Variants in GIPR observed in about 807,000 individuals in gnomAD.
GIPR encodes the protein GIP-R.
GIPR carries 74 observed loss-of-function variants against 62.2 expected under a neutral mutation model. The ratio of observed to expected loss-of-function variants is 1.19; its 90% CI spans 0.99 to 1.44. The LOEUF is 1.44. GIPR is among the 40% of genes most tolerant of loss of function. GIPR has a pLI of 0.00. For synonymous variants in GIPR, 256 were observed against 262.2 expected (o/e 0.98, Z 0.23); for missense variants, 664 against 611.8 (o/e 1.09, Z -0.90).
chr19:45,674,898 A>G, intron 7 of GIPR, 72 bp downstream of exon 7: 1 of 1,380,138 alleles, frequency 7.2e-7, no homozygotes, highest in Non-Finnish European at 1.0e-6. Flanking sequence ...TTCTCAGTCC[A>G]TTTCCTATCT....
At chr19:45,672,281 G>T (rs986320990) in intron 4 of GIPR, among the ~76,000 whole-genome samples, 1 of 152,002 alleles carries the variant, frequency 6.6e-6, no homozygotes, top group South Asian at 2.1e-4. Context: ...CTCCCAAAGC[G>T]CTGGGATTAC....
At chr19:45,678,019 G>C in intron 11 of GIPR, 25 bp downstream of exon 11, 1 of 1,612,636 alleles carries the variant, frequency 6.2e-7, no homozygotes, top group Non-Finnish European at 8.5e-7. Flanking sequence ...TGGGGACCGA[G>C]GGGAAGGGGC....
intron 7 of GIPR, 138 bp downstream of exon 7, chr19:45,674,964 G>GATCCCCCACCCCAA (rs1187651627): frequency 3.4e-6 from 3 of 881,526 alleles, no homozygotes; most frequent in South Asian, 2.7e-5. Flanking sequence ...AATGTGTCTT[G>GATCCCCCACCCCAA]GGGTGGGGGA....
intron 5 of GIPR, 71 bp from the exon 6 acceptor site, chr19:45,674,003 C>A: frequency 1.2e-6 from 1 of 862,498 alleles, no homozygotes; most frequent in Non-Finnish European, 2.0e-6. Flanking sequence ...GAGCAGAGGT[C>A]CTTCCAGTCT....
chr19:45,677,699 G>T lies in GIPR; in HGVS notation c.855-11G>T. 1.2e-6 allele frequency: 2 copies of T among 1,608,390 alleles called. No homozygotes were observed. The highest frequency in any genetic ancestry group is 1.7e-6 in the Non-Finnish European group (2 of 1,174,878). On this transcript the variant is annotated splice_polypyrimidine_tract_variant and intron_variant, in intron 9 of 13. Transcript: ENST00000590918. ...TTTTTCTATCTCTTAGCTCTACTCC[G>T]CCTTCCCCAGGTGCTGGGAGCGCAA...
At chr19:45,675,602 G>A (rs1008741551) in intron 7 of GIPR, among the ~76,000 whole-genome samples, 1 of 133,676 alleles carries the variant, frequency 7.5e-6, no homozygotes, top group Non-Finnish European at 1.6e-5. Context: ...AAAAGCCATA[G>A]CGTGGCCCGG....
chr19:45,677,317 G>T lies in GIPR; in HGVS notation c.794-6G>T. On this transcript the variant is annotated splice_polypyrimidine_tract_variant and splice_region_variant and intron_variant, in intron 8 of 13. Coordinates refer to ENST00000590918, the MANE Select transcript of GIPR (RefSeq NM_000164.4). ...GGGTGGGGGGGCGGGGTCGGGGTCT[G>T]CACAGGGGCCCCCGCGCTTTTCGTC... is the stretch of plus-strand genomic sequence containing the variant. 2 of 1,569,116 alleles carry T rather than the reference G, an allele frequency of 1.3e-6. No individual in the cohort carries two copies.
intron 5 of GIPR, among the ~76,000 whole-genome samples, chr19:45,673,563 C>T (rs544485942): frequency 5.9e-5 from 9 of 151,862 alleles, no homozygotes; most frequent in African/African-American, 2.2e-4. Context: ...AACTCCATCT[C>T]TACAAAAAAT....
At chr19:45,673,883 G>C (rs1369045080) in intron 5 of GIPR, among the ~76,000 whole-genome samples, 191 bp from the exon 6 acceptor site, 1 of 151,790 alleles carries the variant, frequency 6.6e-6, no homozygotes, top group Non-Finnish European at 1.5e-5. Flanking sequence ...AAAATCTCTG[G>C]TTGGCTGGTC....
Position 45,677,380 on chromosome 19 carries a change from C to T in GIPR, c.851C>T (p.Thr284Met). The stretch of plus-strand genomic sequence containing the variant: ...ATCGTCAGGTACCTGTACGAGAACA[C>T]GCAGTGAGTTGCAGGGTCTGGGGCG... The part of the protein sequence containing the change: ...WVIVRYLYEN[T>M]QCWERNEVKA... The change falls in exon 9 of 14, where the codon ACG becomes ATG. Residue 284 changes from threonine (T) to methionine (M), a missense_variant. Coordinates refer to ENST00000590918, the MANE Select transcript of GIPR (RefSeq NM_000164.4). The T allele has an allele frequency of 1.3e-6, 2 of 1,574,146 alleles. No homozygotes were observed. Among genetic ancestry groups the T allele is most frequent in the Non-Finnish European group, 1.7e-6 (2 of 1,146,500 alleles).
At position 45,682,261 on chromosome 19, in the gene GIPR, G is replaced by T. The variant is rs1416523669; in HGVS notation, c.*326G>T. 3.0e-6 allele frequency: 1 copy of T among 335,590 alleles called. No individual in the cohort carries two copies. Among genetic ancestry groups the T allele is most frequent in the East Asian group, 6.9e-5 (1 of 14,436 alleles). The allele number at this position is 335,590 out of a possible 1,614,324, so 20.8% of individuals were successfully genotyped here. ...AGAGCTGGAGAACAGGATTCTAGGC[G>T]GAAGCGATAGCATAGGCAAAGGCCC... On this transcript the variant is annotated 3_prime_UTR_variant, in exon 14 of 14. Transcript: ENST00000590918.
intron 12 of GIPR, among the ~76,000 whole-genome samples, chr19:45,679,423 A>C (rs1476286017): frequency 6.7e-6 from 1 of 148,350 alleles, no homozygotes; most frequent in Non-Finnish European, 1.5e-5. Context: ...TGGAGGTTGC[A>C]GTGAGCCGAG....
In GIPR at chr19:45,681,904, A is replaced by C; in HGVS notation, c.1370A>C (p.Glu457Ala). The part of the protein sequence containing the change: ...SSGTLPGPGN[E>A]ASRELESYC ...GGGACCCTCCCAGGGCCTGGGAATG[A>C]GGCCAGCCGGGAGTTGGAAAGTTAC... The change falls in exon 14 of 14, where the codon GAG becomes GCG. Residue 457 changes from glutamate to alanine, a missense_variant. Glu to Ala is a moderately radical substitution (Grantham distance 107). Coordinates refer to ENST00000590918, the MANE Select transcript of GIPR (RefSeq NM_000164.4). 1 of 1,560,552 alleles carries C rather than the reference A, an allele frequency of 6.4e-7. No individual in the cohort carries two copies. The highest frequency in any genetic ancestry group is 8.7e-7 in the Non-Finnish European group (1 of 1,151,680).
Position 45,672,889 on chromosome 19 carries a change from G to A in GIPR, c.319G>A (p.Gly107Ser). The A allele has an allele frequency of 6.2e-7, 1 of 1,613,470 alleles. No homozygotes were observed. The change falls in exon 5 of 14, where the codon GGC becomes AGC. Residue 107 changes from glycine (G) to serine (S), a missense_variant. Gly to Ser is a moderately conservative substitution (Grantham distance 56). Coordinates refer to ENST00000590918, the MANE Select transcript of GIPR (RefSeq NM_000164.4). ...GFVLRQCGSD[G>S]QWGLWRDHTQ... ...CGTCCTCCGCCAGTGTGGCAGTGAT[G>A]GCCAATGGGGACTTTGGAGAGACCA...
intron 2 of GIPR, among the ~76,000 whole-genome samples, chr19:45,669,841 C>T (rs1329008093): frequency 6.6e-6 from 1 of 150,768 alleles, no homozygotes; most frequent in Admixed American, 6.6e-5. Context: ...CCCAGCTACT[C>T]GGAAGGCTGA....
At chr19:45,668,560 CTT>C (rs552937048) in intron 1 of GIPR, among the ~76,000 whole-genome samples, 250 of 152,328 alleles carry the variant, frequency 1.6e-3, no homozygotes, top group African/African-American at 5.6e-3. Context: ...ATCTGCGTCT[CTT>C]TCTCTGTTTG....
chr19:45,669,512 G>T lies in GIPR; in HGVS notation c.-9G>T. On this transcript the variant is annotated 5_prime_UTR_variant, in exon 2 of 14. Transcript: ENST00000590918. Reference sequence around the variant, plus strand: ...CCCTGCACGAACCAGACCCTTCGCCGCCCTCACGATGACTACCTCTCCGAT... The same window carrying T: ...CCCTGCACGAACCAGACCCTTCGCCTCCCTCACGATGACTACCTCTCCGAT... The T allele has an allele frequency of 6.4e-7, 1 of 1,569,700 alleles. No individual in the cohort carries two copies. Among genetic ancestry groups the T allele is most frequent in the African/African-American group, 1.3e-5 (1 of 74,250 alleles).
intron 7 of GIPR, among the ~76,000 whole-genome samples, chr19:45,676,697 G>T (rs111889500): frequency 0.021 from 3,176 of 152,210 alleles, 131 homozygotes; most frequent in African/African-American, 0.073. Context: ...GCCTCCTAAA[G>T]TGCTGGGATT....
In GIPR at chr19:45,675,761, G is replaced by A. The variant is rs189090579; in HGVS notation, c.633+935G>A. ...AAATTAGCCAGGCATGGCGGCCCTC[G>A]CCTGTACTCCCAGCTACTTGGGAGG... On this transcript the variant is annotated intron_variant, in intron 7 of 13. Transcript: ENST00000590918. Among the ~76,000 whole-genome samples the A allele has an allele frequency of 2.6e-3, 397 of 151,896 alleles. 1 individual carries two copies. The highest frequency in any genetic ancestry group is 4.7e-3 in the Non-Finnish European group (319 of 67,966).
Sources: allele counts gnomAD v4.1 joint callset (sites outside exome capture counted in the v4.1 genomes callset), GRCh38; gene constraint gnomAD v4.1.1; transcripts MANE v1.5; gene names NCBI Gene and HGNC (gene_info 2026-07-23, HGNC 2026-07-21).